Variants in ATAD3B observed in about 807,000 individuals in gnomAD.
ATAD3B encodes the protein ATPase family AAA domain-containing protein 3B.
In ATAD3B, 59 loss-of-function variants were observed where a neutral mutation model predicts 70.2. That is an observed-to-expected ratio of 0.84 (90% CI 0.68 to 1.04). ATAD3B has a LOEUF of 1.04. Among genes scored for constraint, ATAD3B ranks in the 50% least tolerant of loss-of-function variants. The pLI is 0.00. For missense variants in ATAD3B, 961 were observed against 913.4 expected, an observed-to-expected ratio of 1.05 and a Z score of -0.67; for synonymous variants, 423 against 388.6, an observed-to-expected ratio of 1.09 and a Z score of -1.04.
At chr1:1,503,921 T>G in the ATAD3B span, among the ~76,000 whole-genome samples, 1 of 152,238 alleles carries the variant, frequency 6.6e-6, no homozygotes, top group East Asian at 1.9e-4. Context: ...CTTGACATTC[T>G]CACCTCATTT....
chr1:1,487,144 C>T (rs1280362698), intron 11 of ATAD3B, among the ~76,000 whole-genome samples: 12 of 152,100 alleles, frequency 7.9e-5, no homozygotes, highest in African/African-American at 2.9e-4. Flanking sequence ...GTTGGAACCA[C>T]GATCCTCATG....
intron 6 of ATAD3B, 77 bp downstream of exon 6, chr1:1,482,380 A>G (rs1639963701): frequency 1.9e-6 from 3 of 1,576,652 alleles, no homozygotes; most frequent in South Asian, 2.3e-5. Context: ...GGCGCTCTCC[A>G]GCTCTTCCAG....
chr1:1,509,034 C>T, the ATAD3B span, among the ~76,000 whole-genome samples: 13 of 151,922 alleles, frequency 8.6e-5, no homozygotes, highest in Admixed American at 1.3e-4. Context: ...AGGGGCTGCC[C>T]CCGGTGTCCA....
In ATAD3B at chr1:1,496,395, C is replaced by A. The variant is rs1191893209; in HGVS notation, c.*578C>A. Reference sequence around the variant, plus strand: ...TCTGAATGCTGCCCGGGACTGCCGCCTGCGCCCCACCAGCCCCTCCCTCCT... The same window carrying A: ...TCTGAATGCTGCCCGGGACTGCCGCATGCGCCCCACCAGCCCCTCCCTCCT... On this transcript the variant is annotated 3_prime_UTR_variant, in exon 16 of 16. Transcript: ENST00000673477. The A allele has an allele frequency of 6.4e-6, 2 of 310,100 alleles. No individual in the cohort carries two copies. Among genetic ancestry groups the A allele is most frequent in the African/African-American group, 2.3e-5 (1 of 44,286 alleles). 19.2% of individuals were successfully genotyped at this position (310,100 alleles called of 1,614,324 possible).
At chr1:1,507,033 C>T in the ATAD3B span, among the ~76,000 whole-genome samples, 4,504 of 152,174 alleles carry the variant, frequency 0.03, 90 homozygotes, top group Admixed American at 0.048. Flanking sequence ...GTGATCTGCC[C>T]GCTTCAGCCT....
chr1:1,472,983 C>T (rs149386026), intron 1 of ATAD3B, among the ~76,000 whole-genome samples: 5,646 of 151,620 alleles, frequency 0.037, 213 homozygotes, highest in Middle Eastern at 0.1. Context: ...GCACCACGCC[C>T]GGCTAATTTT....
chr1:1,474,202 T>A (rs571156594), intron 1 of ATAD3B, among the ~76,000 whole-genome samples: 3 of 75,568 alleles, frequency 4.0e-5, no homozygotes, highest in East Asian at 2.6e-3. Flanking sequence ...TCTTTTTTTC[T>A]TTTTTTTTTT....
At position 1,487,845 on chromosome 1, in the gene ATAD3B, CCTCT is replaced by C. The variant is rs773985897; in HGVS notation, c.1215-12_1215-9del. The C allele has an allele frequency of 1.9e-6, 3 of 1,612,336 alleles. No individual in the cohort carries two copies. The African/African-American group carries it at 4.0e-5, about 22-fold the overall frequency. On this transcript the variant is annotated splice_polypyrimidine_tract_variant and intron_variant, in intron 11 of 15. Transcript: ENST00000673477. The stretch of plus-strand genomic sequence containing the variant: ...CTGGCGTCACTCTCGCCTTGCTTGG[CCTCT>C]CTCTCGTTCACAGCCTCCTGCTCTT...
chr1:1,499,016 G>C (rs1200259160), downstream of ATAD3B, among the ~76,000 whole-genome samples: 1 of 150,500 alleles, frequency 6.6e-6, no homozygotes, highest in African/African-American at 2.5e-5. Flanking sequence ...CTGTCGCCTA[G>C]GCTGGAGTGC....
chr1:1,487,823 G>C, intron 11 of ATAD3B, 40 bp from the exon 12 acceptor site: 1 of 1,609,314 alleles, frequency 6.2e-7, no homozygotes, highest in Non-Finnish European at 8.5e-7. Flanking sequence ...GCTGCTCCTG[G>C]CGTCACTCTC....
At chr1:1,508,455 C>T in the ATAD3B span, among the ~76,000 whole-genome samples, 1 of 151,458 alleles carries the variant, frequency 6.6e-6, no homozygotes, top group African/African-American at 2.5e-5. Flanking sequence ...TAGGGACCCG[C>T]TCAGCTGTCC....
chr1:1,476,160 C>T (rs1557791803), intron 1 of ATAD3B, among the ~76,000 whole-genome samples: 1 of 145,150 alleles, frequency 6.9e-6, no homozygotes, highest in South Asian at 2.3e-4. Flanking sequence ...TTCACTGGGG[C>T]CCCCGAGGTT....
intron 11 of ATAD3B, 150 bp downstream of exon 11, chr1:1,486,818 G>A (rs1230315136): frequency 6.8e-7 from 1 of 1,471,438 alleles, no homozygotes; most frequent in Non-Finnish European, 9.0e-7. Flanking sequence ...GGGTCCCTCG[G>A]AGGGAAAGTC....
At chr1:1,490,136 C>G in intron 13 of ATAD3B, 121 bp from the exon 14 acceptor site, 1 of 1,477,338 alleles carries the variant, frequency 6.8e-7, no homozygotes, top group South Asian at 1.4e-5. Context: ...TTCCTGTGCT[C>G]ACAAGCTGCC....
chr1:1,494,634 G>T (rs1640690751), intron 15 of ATAD3B, among the ~76,000 whole-genome samples: 1 of 152,024 alleles, frequency 6.6e-6, no homozygotes, highest in Non-Finnish European at 1.5e-5. Context: ...CCCCATGACA[G>T]GTTCTGTCAT....
At chr1:1,485,625 TG>T (rs1362875318) in intron 8 of ATAD3B, among the ~76,000 whole-genome samples, 156 bp from the exon 9 acceptor site, 1 of 152,016 alleles carries the variant, frequency 6.6e-6, no homozygotes, top group Non-Finnish European at 1.5e-5. Context: ...AATAGCCTCC[TG>T]GTCTCCCGGC....
intron 1 of ATAD3B, among the ~76,000 whole-genome samples, chr1:1,476,430 G>A (rs1172101580): frequency 1.3e-5 from 2 of 151,650 alleles, no homozygotes; most frequent in African/African-American, 2.4e-5. Context: ...GACGGGCTGC[G>A]GGAGGAAGAG....
chr1:1,500,042 C>T (rs989378632), downstream of ATAD3B, among the ~76,000 whole-genome samples: 3 of 151,264 alleles, frequency 2.0e-5, no homozygotes, highest in African/African-American at 4.9e-5. Context: ...GGACTATAGG[C>T]ACAGGTGGAC....
At position 1,486,240 on chromosome 1, in the gene ATAD3B, G is replaced by GAGCGC. The variant is rs1437932547; in HGVS notation, c.1089+6_1089+10dup. ...GGGAAGACGCTGTTTGCCAAGGTGA[G>GAGCGC]AGCGCCTGGCTGAACAGGTGGGCCA... On this transcript the variant is annotated splice_donor_region_variant and intron_variant, in intron 10 of 15. Transcript: ENST00000673477. 6.2e-7 allele frequency: 1 copy of GAGCGC among 1,612,820 alleles called. No homozygotes were observed. Among genetic ancestry groups the GAGCGC allele is most frequent in the East Asian group, 2.2e-5 (1 of 44,880 alleles).
Sources: allele counts gnomAD v4.1 joint callset (sites outside exome capture counted in the v4.1 genomes callset), GRCh38; gene constraint gnomAD v4.1.1; transcripts MANE v1.5; gene names NCBI Gene and HGNC (gene_info 2026-07-23, HGNC 2026-07-21).